GALNTL6: variants seen among roughly 807,000 people sequenced by gnomAD.
GALNTL6 encodes the protein polypeptide N-acetylgalactosaminyltransferase like 6.
Under a neutral mutation model 73.7 loss-of-function variants are expected in GALNTL6, and 46 were observed. That is an observed-to-expected ratio of 0.62 (90% confidence interval 0.49 to 0.80). The LOEUF (loss-of-function observed/expected upper bound fraction) is 0.80, where lower values mean the gene tolerates loss of function less well. Ranked by LOEUF, GALNTL6 falls within the 30% of genes least tolerant of loss-of-function variation. The probability of loss-of-function intolerance (pLI) is 0.00; values close to 1 mark genes in which losing one functional copy is unlikely to be tolerated. For missense variants in GALNTL6, 604 were observed against 755.0 expected, an observed-to-expected ratio of 0.80 and a Z score of 2.34; for synonymous variants, 259 against 263.7, an observed-to-expected ratio of 0.98 and a Z score of 0.17.
At chr4:172,353,645 A>G (rs1229555375) in intron 5 of GALNTL6, among the ~76,000 whole-genome samples, 1 of 151,990 alleles carries the variant, frequency 6.6e-6, no homozygotes, top group Admixed American at 6.6e-5. Flanking sequence ...ATGTCTTTCA[A>G]AACTTTATAA....
intron 8 of GALNTL6, among the ~76,000 whole-genome samples, chr4:172,891,842 C>T (rs1413627008): frequency 6.6e-6 from 1 of 151,966 alleles, no homozygotes; most frequent in Non-Finnish European, 1.5e-5. Flanking sequence ...ATTTTTGATT[C>T]TTTTTTATTT....
At chr4:172,052,643 C>G (rs1472024539) in intron 2 of GALNTL6, 1 of 605,508 alleles carries the variant, frequency 1.7e-6, no homozygotes, top group Non-Finnish European at 2.8e-6. Flanking sequence ...GTCTCACCAT[C>G]ATCTCTTTCT....
In GALNTL6 at chr4:172,528,963, A is replaced by ATATATG. The variant is rs1350827830; in HGVS notation, c.553+180275_553+180276insATATGT. Among the ~76,000 whole-genome samples the ATATATG allele has an allele frequency of 1.7e-4, 5 of 30,208 alleles. 2 individuals are homozygous for ATATATG. The highest frequency in any genetic ancestry group is 1.3e-3 in the Admixed American group (2 of 1,512). The allele number at this position is 30,208 out of a possible 152,430, so 19.8% of individuals were successfully genotyped here. On this transcript the variant is annotated intron_variant, in intron 5 of 12. Coordinates refer to ENST00000506823, the MANE Select transcript of GALNTL6 (RefSeq NM_001034845.3). Reference sequence around the variant, plus strand: ...TGTTTTCCCAAAGGCATATATATATATGTGTGTGTATATTTATACATATGT... The same window carrying ATATATG: ...TGTTTTCCCAAAGGCATATATATATATATATGTGTGTGTGTATATTTATACATATGT...
At chr4:171,830,744 A>G (rs1734947273) in intron 2 of GALNTL6, among the ~76,000 whole-genome samples, 1 of 152,174 alleles carries the variant, frequency 6.6e-6, no homozygotes, top group Non-Finnish European at 1.5e-5. Flanking sequence ...GCTATAGAAG[A>G]TATGGATTAT....
At chr4:172,269,922 T>G (rs1738582850) in intron 3 of GALNTL6, among the ~76,000 whole-genome samples, 1 of 152,010 alleles carries the variant, frequency 6.6e-6, no homozygotes, top group African/African-American at 2.4e-5. Context: ...CAGCTAATTT[T>G]TTGTATTATT....
At chr4:172,710,333 A>C (rs965812705) in intron 5 of GALNTL6, among the ~76,000 whole-genome samples, 2 of 152,182 alleles carry the variant, frequency 1.3e-5, no homozygotes, top group African/African-American at 4.8e-5. Flanking sequence ...ACACACAAGC[A>C]TAAGGATTTT....
At chr4:172,190,136 A>G (rs559631201) in intron 2 of GALNTL6, among the ~76,000 whole-genome samples, 61 of 152,276 alleles carry the variant, frequency 4.0e-4, no homozygotes, top group African/African-American at 1.4e-3. Context: ...GTTTGAAAAC[A>G]TTTCCCTCCC....
At chr4:172,236,634 T>C (rs1274516756) in intron 3 of GALNTL6, among the ~76,000 whole-genome samples, 2 of 152,186 alleles carry the variant, frequency 1.3e-5, no homozygotes, top group African/African-American at 2.4e-5. Context: ...TTTTCATTAA[T>C]GTTGTTACAT....
chr4:171,912,426 T>C (rs1263386352), intron 2 of GALNTL6, among the ~76,000 whole-genome samples: 1 of 152,208 alleles, frequency 6.6e-6, no homozygotes, highest in African/African-American at 2.4e-5. Flanking sequence ...TTTCTATTGA[T>C]ATACAATAGT....
chr4:172,457,485 A>G (rs1732441584), intron 5 of GALNTL6, among the ~76,000 whole-genome samples: 1 of 152,194 alleles, frequency 6.6e-6, no homozygotes, highest in South Asian at 2.1e-4. Context: ...GTGCAAAGAC[A>G]TACGTAGGCT....
At chr4:172,268,521 C>A (rs1323428933) in intron 3 of GALNTL6, among the ~76,000 whole-genome samples, 1 of 152,158 alleles carries the variant, frequency 6.6e-6, no homozygotes, top group African/African-American at 2.4e-5. Context: ...TTGACCTGGG[C>A]AAAGCACTTC....
chr4:172,281,165 C>T (rs559992831), intron 3 of GALNTL6, among the ~76,000 whole-genome samples: 14 of 151,848 alleles, frequency 9.2e-5, no homozygotes, highest in South Asian at 2.1e-4. Context: ...AGTGAGACTC[C>T]GTCTCAAAAA....
At chr4:171,884,612 A>C (rs926287186) in intron 2 of GALNTL6, among the ~76,000 whole-genome samples, 9 of 152,050 alleles carry the variant, frequency 5.9e-5, no homozygotes, top group African/African-American at 1.9e-4. Flanking sequence ...AATTATATAT[A>C]AAAATATGAT....
intron 10 of GALNTL6, among the ~76,000 whole-genome samples, chr4:172,958,844 G>C (rs1749892692): frequency 6.6e-6 from 1 of 152,100 alleles, no homozygotes; most frequent in African/African-American, 2.4e-5. Flanking sequence ...AGTAAAGAAA[G>C]CATGTTTGAG....
chr4:172,483,843 A>C (rs1428964518), intron 5 of GALNTL6, among the ~76,000 whole-genome samples: 2 of 152,192 alleles, frequency 1.3e-5, no homozygotes, highest in Admixed American at 6.5e-5. Context: ...GGAAAAAAAG[A>C]ATCTTTTGAG....
intron 2 of GALNTL6, among the ~76,000 whole-genome samples, chr4:172,139,085 G>A (rs187484488): frequency 3.3e-5 from 5 of 152,152 alleles, no homozygotes; most frequent in African/African-American, 1.2e-4. Flanking sequence ...CTGTTACTTA[G>A]TGGGAACTAG....
At chr4:172,431,676 G>A (rs1731456685) in intron 5 of GALNTL6, among the ~76,000 whole-genome samples, 1 of 152,046 alleles carries the variant, frequency 6.6e-6, no homozygotes, top group South Asian at 2.1e-4. Flanking sequence ...CCATTAATTT[G>A]TGGAAGATTT....
intron 7 of GALNTL6, among the ~76,000 whole-genome samples, chr4:172,817,838 A>G (rs1229529770): frequency 6.6e-6 from 1 of 152,222 alleles, no homozygotes; most frequent in Admixed American, 6.5e-5. Flanking sequence ...CGTTTCTGTT[A>G]GACTTATTGA....
chr4:172,807,832 G>GT (rs1560966210), intron 5 of GALNTL6, among the ~76,000 whole-genome samples: 1 of 152,084 alleles, frequency 6.6e-6, no homozygotes, highest in East Asian at 1.9e-4. Context: ...TTTTGTTTTT[G>GT]TTTTTTCGGA....
Sources: gnomAD v4.1 joint callset for allele counts (sites outside exome capture counted in the v4.1 genomes callset) on GRCh38, gnomAD v4.1.1 for gene constraint, MANE v1.5 for transcripts, NCBI Gene and HGNC (gene_info 2026-07-23, HGNC 2026-07-21) for gene names.